ANTXR2: variants seen among roughly 807,000 people sequenced by gnomAD.
The protein encoded by ANTXR2 is anthrax toxin receptor 2.
A neutral mutation model predicts 73.7 loss-of-function variants in ANTXR2; 44 were observed. That is an observed-to-expected ratio of 0.60 (90% CI 0.47 to 0.77). ANTXR2 has a LOEUF of 0.77. ANTXR2 is among the 30% of genes least tolerant of loss of function. ANTXR2 has a pLI of 0.00. For synonymous variants in ANTXR2, 217 were observed against 205.9 expected, an observed-to-expected ratio of 1.05 and a Z score of -0.46; for missense variants, 604 against 592.5, an observed-to-expected ratio of 1.02 and a Z score of -0.20.
intron 16 of ANTXR2, among the ~76,000 whole-genome samples, chr4:79,961,172 A>G (rs993300184): frequency 6.6e-6 from 1 of 152,034 alleles, no homozygotes; most frequent in African/African-American, 2.4e-5. Context: ...ACACATGTAG[A>G]ATAATGTAGA....
chr4:79,993,960 C>T (rs1016294020), intron 12 of ANTXR2, among the ~76,000 whole-genome samples: 5 of 151,340 alleles, frequency 3.3e-5, no homozygotes, highest in Non-Finnish European at 1.5e-5. Flanking sequence ...TTGATTTGGT[C>T]AATATTTCAG....
intron 16 of ANTXR2, among the ~76,000 whole-genome samples, chr4:79,963,852 G>A (rs1338849280): frequency 1.3e-5 from 2 of 152,116 alleles, no homozygotes; most frequent in African/African-American, 2.4e-5. Flanking sequence ...GTTTCTGGCT[G>A]AATGTAGGTA....
chr4:80,066,098 C>A (rs1026632665), intron 3 of ANTXR2, among the ~76,000 whole-genome samples: 1 of 151,920 alleles, frequency 6.6e-6, no homozygotes, highest in African/African-American at 2.4e-5. Flanking sequence ...ATATAGAGGA[C>A]CACAGAAACT....
chr4:79,963,121 T>A (rs1391679634), intron 16 of ANTXR2, among the ~76,000 whole-genome samples: 1 of 152,166 alleles, frequency 6.6e-6, no homozygotes, highest in East Asian at 1.9e-4. Flanking sequence ...ACTGGGTGAT[T>A]TGTTAACATA....
chr4:79,933,580 C>T (rs6846328), intron 16 of ANTXR2, among the ~76,000 whole-genome samples: 114,390 of 151,722 alleles, frequency 0.75, 43,403 homozygotes, highest in East Asian at 0.96. Context: ...CTTTAAGTTT[C>T]AGGGTACATG....
At chr4:79,918,910 A>C (rs774540833) in intron 16 of ANTXR2, among the ~76,000 whole-genome samples, 8 of 152,120 alleles carry the variant, frequency 5.3e-5, no homozygotes, top group Non-Finnish European at 1.0e-4. Flanking sequence ...GAACAGAAAG[A>C]AAAAAATGGA....
chr4:79,931,672 T>C (rs10433910), intron 16 of ANTXR2, among the ~76,000 whole-genome samples: 15,099 of 152,152 alleles, frequency 0.099, 1,888 homozygotes, highest in East Asian at 0.66. Flanking sequence ...AAGTCTGTGA[T>C]TGGCAAGGTT....
At chr4:79,963,974 A>G (rs1331075863) in intron 16 of ANTXR2, among the ~76,000 whole-genome samples, 1 of 152,242 alleles carries the variant, frequency 6.6e-6, no homozygotes, top group Non-Finnish European at 1.5e-5. Context: ...AATTAGTTAA[A>G]GTCAATTCAA....
intron 7 of ANTXR2, among the ~76,000 whole-genome samples, chr4:80,049,441 G>A (rs185767200): frequency 2.5e-4 from 38 of 151,788 alleles, no homozygotes; most frequent in African/African-American, 9.2e-4. Context: ...ATCTGAAGTG[G>A]AAAGTGAAAA....
chr4:79,989,328 T>C (rs1730353683), intron 12 of ANTXR2, among the ~76,000 whole-genome samples: 1 of 151,638 alleles, frequency 6.6e-6, no homozygotes. Context: ...CCCAAAGAAA[T>C]ACAAGAACTC....
At chr4:80,031,735 A>T in intron 9 of ANTXR2, 43 bp from the exon 10 acceptor site, 1 of 1,193,344 alleles carries the variant, frequency 8.4e-7, no homozygotes, top group African/African-American at 1.6e-5. Context: ...GGTTTTATGC[A>T]TCTCACACAG....
intron 16 of ANTXR2, among the ~76,000 whole-genome samples, chr4:79,915,820 G>C (rs11098942): frequency 0.81 from 114,441 of 142,108 alleles, 45,874 homozygotes; most frequent in East Asian, 0.99. Flanking sequence ...CTCTGTCTCT[G>C]TCTCTCTCCC....
chr4:79,933,449 G>GA (rs1235522976), intron 16 of ANTXR2, among the ~76,000 whole-genome samples: 3 of 152,040 alleles, frequency 2.0e-5, no homozygotes, highest in Admixed American at 6.6e-5. Flanking sequence ...TCATTCCACA[G>GA]AAAAAATCTG....
chr4:79,931,658 C>T (rs1216097708), intron 16 of ANTXR2, among the ~76,000 whole-genome samples: 1 of 152,158 alleles, frequency 6.6e-6, no homozygotes, highest in Non-Finnish European at 1.5e-5. Context: ...AGTGCACTTA[C>T]AGGAAGTCTG....
intron 12 of ANTXR2, among the ~76,000 whole-genome samples, chr4:79,986,658 G>A (rs1730178859): frequency 6.6e-6 from 1 of 152,134 alleles, no homozygotes; most frequent in South Asian, 2.1e-4. Flanking sequence ...CCCCACTAGT[G>A]TGCACTCTCT....
chr4:79,990,694 A>T (rs1196435654), intron 12 of ANTXR2, among the ~76,000 whole-genome samples: 1 of 152,128 alleles, frequency 6.6e-6, no homozygotes, highest in Non-Finnish European at 1.5e-5. Flanking sequence ...AAGCAAAAAG[A>T]AAAAAGCAGG....
At chr4:79,978,324 T>G in intron 14 of ANTXR2, 150 bp from the exon 15 acceptor site, 3 of 596,162 alleles carry the variant, frequency 5.0e-6, no homozygotes, top group South Asian at 5.6e-5. Context: ...CTTCAGAGGC[T>G]AAATAGGTTT....
chr4:79,944,509 A>G (rs1416933166), intron 16 of ANTXR2, among the ~76,000 whole-genome samples: 4 of 148,558 alleles, frequency 2.7e-5, no homozygotes, highest in South Asian at 2.2e-4. Context: ...TGCTTGGGGG[A>G]AAAATGTGAA....
chr4:79,907,968 G>A (rs930622196), intron 16 of ANTXR2, among the ~76,000 whole-genome samples: 10 of 152,018 alleles, frequency 6.6e-5, no homozygotes, highest in African/African-American at 1.9e-4. Context: ...CATGTCCATT[G>A]TTACTGACCA....
Sources: allele counts gnomAD v4.1 joint callset (sites outside exome capture counted in the v4.1 genomes callset), GRCh38; gene constraint gnomAD v4.1.1; transcripts MANE v1.5; gene names NCBI Gene and HGNC (gene_info 2026-07-23, HGNC 2026-07-21).